The following HAO1 variants were observed in gnomAD, a reference collection of about 807,000 sequenced individuals.
The protein encoded by HAO1 is 2-Hydroxyacid oxidase 1.
A neutral mutation model predicts 39.7 loss-of-function variants in HAO1; 34 were observed. The ratio of observed to expected loss-of-function variants is 0.86; its 90% CI spans 0.65 to 1.14. HAO1 has a LOEUF of 1.14. Ranked by LOEUF, HAO1 falls within the 50% of genes most tolerant of loss-of-function variation. The pLI, the probability that HAO1 is intolerant of heterozygous loss-of-function variation, is 0.00. For missense variants in HAO1, 479 were observed against 464.5 expected (o/e 1.03, Z -0.29); for synonymous variants, 172 against 173.2 (o/e 0.99, Z 0.05).
intron 3 of HAO1, among the ~76,000 whole-genome samples, chr20:7,911,821 T>A (rs978473475): frequency 6.6e-6 from 1 of 152,236 alleles, no homozygotes; most frequent in Non-Finnish European, 1.5e-5. Context: ...GGCTTCACTT[T>A]CTATGAGTCA....
rs913634820 is a variant in HAO1 at position 7,900,735 on chromosome 20, C to T, written c.721+5419G>A. Among the ~76,000 whole-genome samples, 4 of 152,126 alleles carry T rather than the reference C, an allele frequency of 2.6e-5. No individual in the cohort carries two copies. The East Asian group carries it at 5.8e-4, about 22-fold the overall frequency. On this transcript the variant is annotated intron_variant, in intron 4 of 7. Transcript: ENST00000378789. ...GAAATCAGACCAACTAATAACTCTACAATGGCTTCTAAGCGCTCAAGGAAG... is the reference window on the plus strand; with the variant it reads ...GAAATCAGACCAACTAATAACTCTATAATGGCTTCTAAGCGCTCAAGGAAG...
chr20:7,937,545 G>A (rs1047989510), intron 1 of HAO1, among the ~76,000 whole-genome samples: 1 of 152,016 alleles, frequency 6.6e-6, no homozygotes, highest in Non-Finnish European at 1.5e-5. Flanking sequence ...AGAAAATGAT[G>A]CCATCTTCAG....
chr20:7,907,688 A>G (rs2122769786), intron 3 of HAO1, among the ~76,000 whole-genome samples: 1 of 152,182 alleles, frequency 6.6e-6, no homozygotes, highest in South Asian at 2.1e-4. Flanking sequence ...CTCACCTCTA[A>G]GATTCTGAAG....
intron 5 of HAO1, among the ~76,000 whole-genome samples, chr20:7,889,932 C>A (rs951564059): frequency 1.3e-5 from 2 of 152,122 alleles, no homozygotes; most frequent in Non-Finnish European, 2.9e-5. Flanking sequence ...CATGCTGCCT[C>A]CATGGCTCTG....
At chr20:7,895,907 A>G (rs1803871429) in intron 4 of HAO1, among the ~76,000 whole-genome samples, 1 of 151,786 alleles carries the variant, frequency 6.6e-6, no homozygotes, top group South Asian at 2.1e-4. Flanking sequence ...AACAAAAACA[A>G]AAACAAAATT....
chr20:7,933,791 G>A (rs1043485108), intron 2 of HAO1, among the ~76,000 whole-genome samples: 3 of 152,104 alleles, frequency 2.0e-5, no homozygotes, highest in African/African-American at 7.2e-5. Flanking sequence ...CCTTTCAAAT[G>A]TTCACAGTTG....
Position 7,902,547 on chromosome 20 carries a change from C to T in HAO1, c.721+3607G>A, listed in dbSNP as rs563781968. On this transcript the variant is annotated intron_variant, in intron 4 of 7. Coordinates refer to ENST00000378789, the MANE Select transcript of HAO1 (RefSeq NM_017545.3). ...ATAGCAAAAACATAACTTTCATATG[C>T]ACTGGGAAGACAAAAAAATTATGTG... 3.3e-5 allele frequency among the ~76,000 whole-genome samples: 5 copies of T among 152,260 alleles called. No homozygotes were observed. The South Asian group carries it at 1.0e-3, about 32-fold the overall frequency.
rs200098175 is a variant in HAO1, at chr20:7,907,842, A to T, written c.546-1513T>A. Among the ~76,000 whole-genome samples the T allele has an allele frequency of 2.0e-5, 3 of 152,222 alleles. No individual in the cohort carries two copies. The East Asian group carries it at 5.8e-4, about 29-fold the overall frequency. ...GGATGACTTCAGGATACACAATAGA[A>T]TCATTCCTGTGACTTATCTGCCCAC... On this transcript the variant is annotated intron_variant, in intron 3 of 7. Coordinates refer to ENST00000378789, the MANE Select transcript of HAO1 (RefSeq NM_017545.3).
chr20:7,905,066 G>A (rs766040654), intron 4 of HAO1, among the ~76,000 whole-genome samples: 33 of 152,208 alleles, frequency 2.2e-4, no homozygotes, highest in Non-Finnish European at 4.0e-4. Context: ...TTGAGATGAC[G>A]GATATGCTAA....
chr20:7,934,502 C>A lies in HAO1; in HGVS notation c.271G>T (p.Glu91Ter). ...AMQRMAHVDG[E>*]LATVRACQSL... ...CTCCTACCTCTCACAGTGGCAAGCTCGCCGTCCACATGAGCCATGCGCTGC... is the reference window on the plus strand; with the variant it reads ...CTCCTACCTCTCACAGTGGCAAGCTAGCCGTCCACATGAGCCATGCGCTGC... Residue 91 changes from glutamate to a stop codon, truncating the protein, a stop_gained, in exon 2 of 8, where the codon GAG becomes TAG. Transcript: ENST00000378789. LOFTEE classifies it high-confidence loss of function. 6.2e-7 allele frequency: 1 copy of A among 1,611,422 alleles called. No homozygotes were observed. Among genetic ancestry groups the A allele is most frequent in the Non-Finnish European group, 8.5e-7 (1 of 1,179,030 alleles).
chr20:7,891,084 A>G (rs958673986), intron 5 of HAO1, among the ~76,000 whole-genome samples: 7 of 152,142 alleles, frequency 4.6e-5, no homozygotes, highest in African/African-American at 1.7e-4. Flanking sequence ...TGCTGGATCA[A>G]ATGGTAGTTC....
intron 2 of HAO1, among the ~76,000 whole-genome samples, chr20:7,931,058 A>G (rs1241328951): frequency 6.6e-6 from 1 of 152,198 alleles, no homozygotes; most frequent in African/African-American, 2.4e-5. Context: ...TCTTTAAAAC[A>G]TAGGTGAAAA....
At chr20:7,883,741 T>C in intron 7 of HAO1, 78 bp from the exon 8 acceptor site, 1 of 1,195,644 alleles carries the variant, frequency 8.4e-7, no homozygotes, top group South Asian at 1.2e-5. Context: ...CCAAGGAATG[T>C]AAAATTTGAC....
At chr20:7,933,441 C>CA (rs1555775366) in intron 2 of HAO1, among the ~76,000 whole-genome samples, 2 of 151,256 alleles carry the variant, frequency 1.3e-5, no homozygotes, top group Non-Finnish European at 3.0e-5. Flanking sequence ...TAGTATTTCC[C>CA]TTTTTTTTTC....
chr20:7,909,383 A>ATATATATG (rs1555774046), intron 3 of HAO1, among the ~76,000 whole-genome samples: 167 of 124,734 alleles, frequency 1.3e-3, no homozygotes, highest in African/African-American at 3.2e-3. Context: ...ATATATGTAT[A>ATATATATG]TATATATATA....
intron 1 of HAO1, among the ~76,000 whole-genome samples, chr20:7,936,575 A>G (rs1199623974): frequency 7.9e-6 from 1 of 126,878 alleles, no homozygotes; most frequent in African/African-American, 3.1e-5. Context: ...CGTGCGTGCC[A>G]AAAGGGACAT....
Position 7,883,265 on chromosome 20 carries a change from A to C in HAO1, c.*328T>G, listed in dbSNP as rs2122742866. 1 of 318,642 alleles carries C rather than the reference A, an allele frequency of 3.1e-6. No individual in the cohort carries two copies. The highest frequency in any genetic ancestry group is 4.6e-5 in the South Asian group (1 of 21,924). The allele number at this position is 318,642 out of a possible 1,614,324, so 19.7% of individuals were successfully genotyped here. ...AATGAGATCATTATCTTTTCACCTT[A>C]GTGTTTGCTACCTCCAATTTTACTA... is the stretch of plus-strand genomic sequence containing the variant. On this transcript the variant is annotated 3_prime_UTR_variant, in exon 8 of 8. Coordinates refer to ENST00000378789, the MANE Select transcript of HAO1 (RefSeq NM_017545.3).
rs116774804 is a variant in HAO1, at chr20:7,889,865, C to G, written c.814-4001G>C. Among the ~76,000 whole-genome samples the G allele has an allele frequency of 6.4e-3, 971 of 152,256 alleles. 13 individuals carry two copies. Among genetic ancestry groups the G allele is most frequent in the African/African-American group, 0.022 (929 of 41,558 alleles). On this transcript the variant is annotated intron_variant, in intron 5 of 7. Transcript: ENST00000378789. ...GTCTCATTGGCTTACTCACCTAGCC[C>G]TTATCCCCTGAGAAAGGTGAGACAA...
chr20:7,903,880 GGTGGTGGTGGTGGTGGTGGTGGCA>G (rs2050235243), intron 4 of HAO1, among the ~76,000 whole-genome samples: 1 of 149,610 alleles, frequency 6.7e-6, no homozygotes, highest in Admixed American at 6.7e-5. Flanking sequence ...TGGTGGTGGT[GGTGGTGGTGGTGGTGGTGGTGGCA>G]GTGGTCCTAG....
Sources: gnomAD v4.1 joint callset for allele counts (sites outside exome capture counted in the v4.1 genomes callset) on GRCh38, gnomAD v4.1.1 for gene constraint, MANE v1.5 for transcripts, NCBI Gene and HGNC (gene_info 2026-07-23, HGNC 2026-07-21) for gene names.